Variants in CFAP299 observed in about 807,000 individuals in gnomAD.
CFAP299 encodes cilia and flagella associated protein 299, also known as cilia- and flagella-associated protein 299.
A neutral mutation model predicts 27.0 loss-of-function variants in CFAP299; 21 were observed. The observed-to-expected ratio is 0.78, with a 90% CI of 0.55 to 1.12. CFAP299 has a LOEUF of 1.12. Among genes scored for constraint, CFAP299 ranks in the 50% most tolerant of loss-of-function variants. The pLI, the probability that CFAP299 is intolerant of heterozygous loss-of-function variation, is 0.00. For missense variants in CFAP299, 310 were observed against 276.6 expected, an observed-to-expected ratio of 1.12 and a Z score of -0.86; for synonymous variants, 104 against 98.1, an observed-to-expected ratio of 1.06 and a Z score of -0.36.
chr4:80,468,820 C>T (rs1003782068), intron 2 of CFAP299, among the ~76,000 whole-genome samples: 33 of 121,182 alleles, frequency 2.7e-4, no homozygotes, highest in African/African-American at 9.5e-4. Flanking sequence ...GGTGACAGAG[C>T]GAGACTCTGT....
Position 80,870,959 on chromosome 4 carries a change from T to G in CFAP299, c.476+824T>G, listed in dbSNP as rs569441446. On this transcript the variant is annotated intron_variant, in intron 4 of 5. Transcript: ENST00000358105. ...TCTCGCTCTGTCGCCCAGGCTGGAGTGCAATGGTGCAATCTTGGATCACTG... is the reference window on the plus strand; with the variant it reads ...TCTCGCTCTGTCGCCCAGGCTGGAGGGCAATGGTGCAATCTTGGATCACTG... 8.9e-5 allele frequency: 74 copies of G among 830,640 alleles called. No homozygotes were observed. The Middle Eastern group carries it at 3.0e-3, about 34-fold the overall frequency. 51.5% of individuals were successfully genotyped at this position (830,640 alleles called of 1,614,324 possible).
At chr4:80,728,117 A>G (rs1373607699) in intron 3 of CFAP299, among the ~76,000 whole-genome samples, 1 of 151,568 alleles carries the variant, frequency 6.6e-6, no homozygotes, top group African/African-American at 2.4e-5. Context: ...TGGGTTGGAA[A>G]AGAAATGATC....
In CFAP299 at chr4:80,588,162, C is replaced by T. The variant is rs538755348; in HGVS notation, c.333+4979C>T. On this transcript the variant is annotated intron_variant, in intron 3 of 5. Coordinates refer to ENST00000358105, the MANE Select transcript of CFAP299 (RefSeq NM_152770.3). ...TGTATACATTTCCTTCCCCATTCCTCTCTCCATCAATTAATCATCAGCTGT... is the reference window on the plus strand; with the variant it reads ...TGTATACATTTCCTTCCCCATTCCTTTCTCCATCAATTAATCATCAGCTGT... 2.0e-3 allele frequency among the ~76,000 whole-genome samples: 300 copies of T among 151,272 alleles called. 3 individuals carry two copies. Among genetic ancestry groups the T allele is most frequent in the Non-Finnish European group, 3.2e-3 (217 of 68,028 alleles).
rs553317084 is a variant in CFAP299 at position 80,386,688 on chromosome 4, A to G, written c.242+23804A>G. ...TCGGCGAGGTGGGCACGGCGGCTGA[A>G]GGACCTGCTGCACAGGGCGCATTTG... is the stretch of plus-strand genomic sequence containing the variant. On this transcript the variant is annotated intron_variant, in intron 2 of 5. Transcript: ENST00000358105. 2.9e-5 allele frequency: 46 copies of G among 1,578,290 alleles called. 1 individual carries two copies. In the South Asian group the frequency reaches 5.0e-4, roughly 17 times the overall value.
At chr4:80,391,375 A>T (rs1725472041) in intron 2 of CFAP299, among the ~76,000 whole-genome samples, 2 of 152,096 alleles carry the variant, frequency 1.3e-5, no homozygotes, top group South Asian at 4.1e-4. Flanking sequence ...TACTTGCCAA[A>T]GCTTGTTATC....
intron 3 of CFAP299, among the ~76,000 whole-genome samples, chr4:80,846,846 C>A (rs1731210596): frequency 6.6e-6 from 1 of 152,162 alleles, no homozygotes; most frequent in African/African-American, 2.4e-5. Flanking sequence ...CCAACCAGCA[C>A]ACTGCAAAGT....
chr4:80,565,831 T>C (rs1485153614), intron 2 of CFAP299, among the ~76,000 whole-genome samples: 13 of 152,102 alleles, frequency 8.5e-5, no homozygotes, highest in Admixed American at 8.5e-4. Context: ...ATATTTGTGA[T>C]AAAGCAAATG....
chr4:80,910,997 AT>A (rs1050832327), intron 4 of CFAP299, among the ~76,000 whole-genome samples: 4 of 151,936 alleles, frequency 2.6e-5, no homozygotes, highest in Non-Finnish European at 5.9e-5. Flanking sequence ...TATCTTACTA[AT>A]TTTTTTCTAA....
chr4:80,402,002 C>T (rs371740387), intron 2 of CFAP299, among the ~76,000 whole-genome samples: 22 of 152,208 alleles, frequency 1.4e-4, no homozygotes, highest in African/African-American at 2.4e-4. Flanking sequence ...TGGATTTGCA[C>T]GGGCCCTGTA....
chr4:80,634,516 A>G (rs940395076), intron 3 of CFAP299, among the ~76,000 whole-genome samples: 12 of 152,094 alleles, frequency 7.9e-5, no homozygotes, highest in African/African-American at 2.9e-4. Context: ...CATACTTAAA[A>G]TTGTGCCTGC....
rs144449739 is a variant in CFAP299 at position 80,875,365 on chromosome 4, T to C, written c.476+5230T>C. Among the ~76,000 whole-genome samples, 1,406 of 152,224 alleles carry C rather than the reference T, an allele frequency of 9.2e-3. 24 individuals carry two copies. The highest frequency in any genetic ancestry group is 0.068 in the South Asian group (327 of 4,820). On this transcript the variant is annotated intron_variant, in intron 4 of 5. Transcript: ENST00000358105. ...GGACTTGAAATTTTCTTTAAACTTA[T>C]AAGATCTCTCATCTTGCCGGGCGCG...
chr4:80,927,939 A>G (rs1736386568), intron 4 of CFAP299, among the ~76,000 whole-genome samples: 2 of 152,150 alleles, frequency 1.3e-5, no homozygotes, highest in South Asian at 2.1e-4. Context: ...ATCACAGGTG[A>G]TATTTTCAAT....
chr4:80,802,707 T>G (rs1033214448), intron 3 of CFAP299, among the ~76,000 whole-genome samples: 124 of 152,172 alleles, frequency 8.1e-4, no homozygotes, highest in African/African-American at 2.9e-3. Flanking sequence ...AAGAGAGTAT[T>G]TGTGTTTCTC....
At chr4:80,742,579 T>A in intron 3 of CFAP299, among the ~76,000 whole-genome samples, 1 of 152,188 alleles carries the variant, frequency 6.6e-6, no homozygotes, top group East Asian at 1.9e-4. Context: ...CAGAATAATG[T>A]TAACCTTTAA....
chr4:80,625,590 A>G (rs1455294003), intron 3 of CFAP299, among the ~76,000 whole-genome samples: 1 of 152,010 alleles, frequency 6.6e-6, no homozygotes, highest in Non-Finnish European at 1.5e-5. Flanking sequence ...AGATAGCTGA[A>G]TGAATTTAAA....
At chr4:80,788,823 C>T (rs1727390246) in intron 3 of CFAP299, among the ~76,000 whole-genome samples, 1 of 151,998 alleles carries the variant, frequency 6.6e-6, no homozygotes, top group Admixed American at 6.6e-5. Context: ...ACATAATTTT[C>T]TGTGGTAACT....
At chr4:80,783,274 T>C (rs1174703592) in intron 3 of CFAP299, among the ~76,000 whole-genome samples, 1 of 152,140 alleles carries the variant, frequency 6.6e-6, no homozygotes, top group Non-Finnish European at 1.5e-5. Context: ...ACTTACACAA[T>C]ATTCTGTTAG....
chr4:80,437,435 CAG>C (rs1444481749), intron 2 of CFAP299, among the ~76,000 whole-genome samples: 1 of 152,146 alleles, frequency 6.6e-6, no homozygotes, highest in Non-Finnish European at 1.5e-5. Context: ...TAGCAGCAGC[CAG>C]AGTCTCAACA....
At chr4:80,823,855 A>G (rs1216490067) in intron 3 of CFAP299, among the ~76,000 whole-genome samples, 1 of 152,170 alleles carries the variant, frequency 6.6e-6, no homozygotes, top group African/African-American at 2.4e-5. Context: ...TAGAATTAGT[A>G]TTTGAGTAGA....
Sources: allele counts gnomAD v4.1 joint callset (sites outside exome capture counted in the v4.1 genomes callset), GRCh38; gene constraint gnomAD v4.1.1; transcripts MANE v1.5; gene names NCBI Gene and HGNC (gene_info 2026-07-23, HGNC 2026-07-21).